Variants in POLR1A observed in about 807,000 individuals in gnomAD.
POLR1A encodes the protein DNA-directed RNA polymerase I subunit RPA1.
POLR1A carries 84 observed loss-of-function variants against 205.3 expected under a neutral mutation model. The observed-to-expected ratio is 0.41, with a 90% CI of 0.34 to 0.49. POLR1A has a LOEUF of 0.49. Ranked by LOEUF, POLR1A falls within the 20% of genes least tolerant of loss-of-function variation. POLR1A has a pLI of 0.22. For missense variants in POLR1A, 1,645 were observed against 2,204.5 expected (o/e 0.75, Z 5.08); for synonymous variants, 799 against 863.7 (o/e 0.93, Z 1.31).
intron 3 of POLR1A, among the ~76,000 whole-genome samples, chr2:86,092,017 G>A (rs1030326220): frequency 7.9e-5 from 12 of 152,180 alleles, no homozygotes; most frequent in African/African-American, 1.4e-4. Flanking sequence ...CAAGGAGGCC[G>A]AGGCAGGAGA....
chr2:86,074,874 C>T (rs995887179), intron 12 of POLR1A, among the ~76,000 whole-genome samples, 156 bp downstream of exon 12: 1 of 152,178 alleles, frequency 6.6e-6, no homozygotes, highest in Non-Finnish European at 1.5e-5. Context: ...CCGGAGACTA[C>T]AAGGTGAATC....
Position 86,105,865 on chromosome 2 carries a change from C to T in POLR1A, c.-89G>A, listed in dbSNP as rs947265034. ...TAATTCAACCTCAAGCCCGGAGTCA[C>T]CACGCGATTCAACGTGCGCTTGCGC... On this transcript the variant is annotated 5_prime_UTR_variant, in exon 1 of 34. In the 5' UTR this introduces an upstream ATG that the reference lacks. Transcript: ENST00000263857. 4.9e-6 allele frequency: 6 copies of T among 1,214,974 alleles called. No individual in the cohort carries two copies. In the African/African-American group the frequency reaches 7.5e-5, roughly 15 times the overall value. 75.3% of individuals were successfully genotyped at this position (1,214,974 alleles called of 1,614,324 possible). A position where few individuals can be genotyped will look rare whatever the true frequency, so the allele number is the denominator to read the frequency against.
rs1214904414 is a variant in POLR1A at position 86,023,060 on chromosome 2, A to G, written c.*4363T>C. The G allele has an allele frequency of 6.6e-6, 1 of 152,194 alleles. No homozygotes were observed. Among genetic ancestry groups the G allele is most frequent in the African/African-American group, 2.4e-5 (1 of 41,446 alleles). 9.4% of individuals were successfully genotyped at this position (152,194 alleles called of 1,614,324 possible). On this transcript the variant is annotated 3_prime_UTR_variant, in exon 34 of 34. Transcript: ENST00000263857. ...AAAAATACAGAATCGATCTTTTTAA[A>G]AAGCTCCCTAAGTGTTTCTAAGGTC...
Position 86,080,919 on chromosome 2 carries a change from A to G in POLR1A, c.983T>C (p.Leu328Ser). 2 of 1,614,074 alleles carry G rather than the reference A, an allele frequency of 1.2e-6. No homozygotes were observed. The highest frequency in any genetic ancestry group is 1.7e-6 in the Non-Finnish European group (2 of 1,179,942). The change falls in exon 9 of 34, where the codon TTG becomes TCG. Residue 328 changes from leucine (L) to serine (S), a missense_variant. Physicochemically the swap from Leu to Ser is moderately radical, Grantham distance 145. Around this residue, in one of 16 missense-constraint regions of POLR1A, gnomAD observed 78 missense variants for 77.7 expected, o/e 1.00. Transcript: ENST00000263857. ...AACTACATCCTTCATGACAGCCTGCAAGTTCACCGTCTGGCCATTAGTAAA... is the reference window on the plus strand; with the variant it reads ...AACTACATCCTTCATGACAGCCTGCGAGTTCACCGTCTGGCCATTAGTAAA... ...QMFTNGQTVN[L>S]QAVMKDVVLI... is the part of the protein sequence containing the mutation.
rs74607112 is a variant in POLR1A at position 86,078,411 on chromosome 2, T to C, written c.1087-127A>G. On this transcript the variant is annotated intron_variant, in intron 9 of 33. Coordinates refer to ENST00000263857, the MANE Select transcript of POLR1A (RefSeq NM_015425.6). ...CTCTGGAGTTTATCTCCTCTGAACC[T>C]GACAGATCAGAGACAAACATGCTAA... 0.064 allele frequency: 42,126 copies of C among 656,246 alleles called. 2,956 individuals are homozygous for C. The highest frequency in any genetic ancestry group is 0.33 in the East Asian group (12,008 of 36,106). The allele number at this position is 656,246 out of a possible 1,614,324, so 40.7% of individuals were successfully genotyped here. A position where few individuals can be genotyped will look rare whatever the true frequency, so the allele number is the denominator to read the frequency against.
chr2:86,048,627 A>G (rs1348623963), intron 18 of POLR1A, among the ~76,000 whole-genome samples: 1 of 152,186 alleles, frequency 6.6e-6, no homozygotes, highest in Non-Finnish European at 1.5e-5. Flanking sequence ...CAAAATAAAA[A>G]CATTTATAAA....
intron 3 of POLR1A, among the ~76,000 whole-genome samples, chr2:86,092,114 T>C (rs1249961778): frequency 6.6e-6 from 1 of 152,050 alleles, no homozygotes; most frequent in Admixed American, 6.6e-5. Context: ...AGACTCTGTC[T>C]CAAAAAATAA....
chr2:86,071,274 G>A (rs1450167849), intron 12 of POLR1A, among the ~76,000 whole-genome samples: 7 of 150,894 alleles, frequency 4.6e-5, no homozygotes, highest in African/African-American at 1.7e-4. Context: ...ATGGGAAAGG[G>A]GTGGTTGGAT....
At position 86,020,636 on chromosome 2, in the gene POLR1A, T is replaced by C. The variant is rs1187806018; in HGVS notation, c.*6787A>G. The C allele has an allele frequency of 6.6e-6, 1 of 151,100 alleles. No individual in the cohort carries two copies. The highest frequency in any genetic ancestry group is 1.5e-5 in the Non-Finnish European group (1 of 67,882). 9.4% of individuals were successfully genotyped at this position (151,100 alleles called of 1,614,324 possible). A position where few individuals can be genotyped will look rare whatever the true frequency, so the allele number is the denominator to read the frequency against. On this transcript the variant is annotated 3_prime_UTR_variant, in exon 34 of 34. Transcript: ENST00000263857. ...TGATTCCACTTTGTAAAATAAACAA[T>C]GTTAACCCGCATCTATGTGTATGTG...
chr2:86,067,260 A>C (rs1313921218), intron 13 of POLR1A, among the ~76,000 whole-genome samples: 1 of 152,234 alleles, frequency 6.6e-6, no homozygotes, highest in Non-Finnish European at 1.5e-5. Flanking sequence ...TGTCAGCTTT[A>C]CTATTCTCCT....
chr2:86,035,590 A>G, intron 27 of POLR1A, among the ~76,000 whole-genome samples: 1 of 152,202 alleles, frequency 6.6e-6, no homozygotes. Context: ...AACTTGTGGC[A>G]ATGTCACGGC....
intron 1 of POLR1A, among the ~76,000 whole-genome samples, chr2:86,105,450 G>C (rs1673907750): frequency 6.6e-6 from 1 of 152,130 alleles, no homozygotes. Context: ...TAACGCTGCA[G>C]ACCAGGACCC....
intron 28 of POLR1A, 132 bp from the exon 29 acceptor site, chr2:86,032,514 A>G (rs564977500): frequency 1.5e-6 from 1 of 685,414 alleles, no homozygotes; most frequent in Admixed American, 2.2e-5. Flanking sequence ...TCCAGCCACC[A>G]CCCTCCATCC....
In POLR1A at chr2:86,027,087, G is replaced by A. The variant is rs903365408; in HGVS notation, c.*336C>T. 1.4e-5 allele frequency: 4 copies of A among 283,132 alleles called. No homozygotes were observed. Among genetic ancestry groups the A allele is most frequent in the African/African-American group, 2.1e-5 (1 of 47,502 alleles). The allele number at this position is 283,132 out of a possible 1,614,324, so 17.5% of individuals were successfully genotyped here. A position where few individuals can be genotyped will look rare whatever the true frequency, so the allele number is the denominator to read the frequency against. ...TTCCCCTTGGTCTTCTCAGTGAATC[G>A]TGAATCAGGACTTCTCCTTAGGGGT... On this transcript the variant is annotated 3_prime_UTR_variant, in exon 34 of 34. Transcript: ENST00000263857.
intron 3 of POLR1A, among the ~76,000 whole-genome samples, chr2:86,097,824 A>T (rs141440934): frequency 6.6e-6 from 1 of 152,284 alleles, no homozygotes; most frequent in East Asian, 1.9e-4. Context: ...CTAGTGTTCT[A>T]CACCATTATA....
chr2:86,039,272 A>G, intron 26 of POLR1A, 55 bp downstream of exon 26: 2 of 1,585,766 alleles, frequency 1.3e-6, no homozygotes, highest in Non-Finnish European at 1.7e-6. Context: ...ACACATGGGG[A>G]GGATATAGGA....
In POLR1A at chr2:86,045,622, G is replaced by A. The variant is rs1459730639; in HGVS notation, c.2881C>T (p.Pro961Ser). 6.2e-7 allele frequency: 1 copy of A among 1,614,014 alleles called. No homozygotes were observed. Among genetic ancestry groups the A allele is most frequent in the Non-Finnish European group, 8.5e-7 (1 of 1,180,010 alleles). Residue 961 changes from proline to serine, a missense_variant, in exon 20 of 34, where the codon CCT (proline) becomes TCT (serine). Around this residue, in one of 16 missense-constraint regions of POLR1A, gnomAD observed 339 missense variants for 415.1 expected, o/e 0.82. Transcript: ENST00000263857. Reference sequence around the variant, plus strand: ...GGAAAAACCAAAATACATACAGGAGGTTTGATGCCGGTGAGGAACCTGCCA... The same window carrying A: ...GGAAAAACCAAAATACATACAGGAGATTTGATGCCGGTGAGGAACCTGCCA... ...VTGRFLTGIK[P>S]PEFFFHCMAG...
At chr2:86,041,754 T>C in intron 24 of POLR1A, 135 bp downstream of exon 24, 1 of 727,806 alleles carries the variant, frequency 1.4e-6, no homozygotes, top group South Asian at 1.6e-5. Context: ...CTGGCTGTCT[T>C]ACTGCCCTCC....
rs10173155 is a variant in POLR1A at position 86,026,458 on chromosome 2, T to C, written c.*965A>G. 111,770 of 152,220 alleles carry C rather than the reference T, an allele frequency of 0.73. 42,091 individuals are homozygous for C. Among genetic ancestry groups the C allele is most frequent in the African/African-American group, 0.9 (37,347 of 41,538 alleles). 9.4% of individuals were successfully genotyped at this position (152,220 alleles called of 1,614,324 possible). ...CCTCTGGTTTTACAAAGCCTTTGTA[T>C]AAGTCCTCTCTGTCTTTTCTGTCCA... On this transcript the variant is annotated 3_prime_UTR_variant, in exon 34 of 34. Coordinates refer to ENST00000263857, the MANE Select transcript of POLR1A (RefSeq NM_015425.6).
Sources: allele counts gnomAD v4.1 joint callset (sites outside exome capture counted in the v4.1 genomes callset), GRCh38; gene constraint gnomAD v4.1.1; regional missense constraint gnomAD v4.1.1; transcripts MANE v1.5; gene names NCBI Gene and HGNC (gene_info 2026-07-23, HGNC 2026-07-21).